Variants in HSPBAP1 observed in about 807,000 individuals in gnomAD.
HSPBAP1 encodes HSPB1 associated protein 1, also known as HSPB1-associated protein 1.
A neutral mutation model predicts 45.2 loss-of-function variants in HSPBAP1; 27 were observed. That is an observed-to-expected ratio of 0.60 (90% CI 0.44 to 0.82). HSPBAP1 has a LOEUF of 0.82. Ranked by LOEUF, HSPBAP1 falls within the 40% of genes least tolerant of loss-of-function variation. The pLI is 0.00. For missense variants in HSPBAP1, 510 were observed against 590.9 expected (o/e 0.86, Z 1.42); for synonymous variants, 204 against 202.7 (o/e 1.01, Z -0.06).
At chr3:122,778,045 C>G in intron 1 of HSPBAP1, 139 bp from the exon 2 acceptor site, 2 of 634,972 alleles carry the variant, frequency 3.1e-6, no homozygotes, top group South Asian at 4.1e-5. Context: ...TCATTTACTG[C>G]TGTTTATATA....
At chr3:122,759,768 G>A (rs577324699) in intron 3 of HSPBAP1, among the ~76,000 whole-genome samples, 7 of 152,254 alleles carry the variant, frequency 4.6e-5, no homozygotes, top group African/African-American at 7.2e-5. Context: ...TGAATGCAGC[G>A]GAAATGGCAT....
chr3:122,741,622 C>T lies in HSPBAP1; in HGVS notation c.826-509G>A, dbSNP rs184845890. ...CATTAAAATCAACAACTTCTGTTTACGAAAAAACACCACAAAGGAAAAAAA... is the reference window on the plus strand; with the variant it reads ...CATTAAAATCAACAACTTCTGTTTATGAAAAAACACCACAAAGGAAAAAAA... On this transcript the variant is annotated intron_variant, in intron 6 of 7. Coordinates refer to ENST00000306103, the MANE Select transcript of HSPBAP1 (RefSeq NM_024610.6). 220 of 152,450 alleles carry T rather than the reference C, an allele frequency of 1.4e-3. 1 individual carries two copies. Among genetic ancestry groups the T allele is most frequent in the Admixed American group, 2.7e-3 (42 of 15,392 alleles). The allele number at this position is 152,450 out of a possible 1,614,324, so 9.4% of individuals were successfully genotyped here.
intron 3 of HSPBAP1, among the ~76,000 whole-genome samples, chr3:122,762,414 A>T (rs912576412): frequency 2.6e-5 from 4 of 152,112 alleles, no homozygotes; most frequent in Non-Finnish European, 5.9e-5. Context: ...ACCTGTATCC[A>T]TGGAATTGTA....
At chr3:122,754,870 T>C (rs1205617659) in intron 5 of HSPBAP1, 2 of 991,888 alleles carry the variant, frequency 2.0e-6, no homozygotes, top group Non-Finnish European at 2.4e-6. Flanking sequence ...CCTGTGTTTA[T>C]GTGTCTGGGT....
At chr3:122,774,826 A>AT (rs890833404) in intron 2 of HSPBAP1, among the ~76,000 whole-genome samples, 11 of 152,200 alleles carry the variant, frequency 7.2e-5, no homozygotes, top group Non-Finnish European at 1.0e-4. Flanking sequence ...GGCAATCAGA[A>AT]TGATTCAGAA....
At chr3:122,743,949 G>A (rs1310204185) in intron 6 of HSPBAP1, among the ~76,000 whole-genome samples, 11 of 152,094 alleles carry the variant, frequency 7.2e-5, no homozygotes, top group African/African-American at 9.6e-5. Flanking sequence ...AGAGTTTGAC[G>A]CTGCAGTGAG....
intron 2 of HSPBAP1, 113 bp from the exon 3 acceptor site, chr3:122,768,995 T>A (rs1934886093): frequency 1.3e-6 from 1 of 766,544 alleles, no homozygotes; most frequent in Non-Finnish European, 2.0e-6. Flanking sequence ...GAAGACTAAT[T>A]AAAAATTCGT....
rs574138881 is a variant in HSPBAP1, at chr3:122,755,900, C to T, written c.570-469G>A. Among the ~76,000 whole-genome samples, 150 of 152,222 alleles carry T rather than the reference C, an allele frequency of 9.9e-4. 2 individuals carry two copies. Among genetic ancestry groups the T allele is most frequent in the African/African-American group, 3.4e-3 (142 of 41,532 alleles). On this transcript the variant is annotated intron_variant, in intron 4 of 7. Coordinates refer to ENST00000306103, the MANE Select transcript of HSPBAP1 (RefSeq NM_024610.6). ...CTTCTCCCTGTTTGGGTTATAAATT[C>T]CTTAAGTTAAACATTTGTTAAGTTG...
chr3:122,746,043 C>T lies in HSPBAP1; in HGVS notation c.826-4930G>A, dbSNP rs117921752. Among the ~76,000 whole-genome samples, 26 of 152,248 alleles carry T rather than the reference C, an allele frequency of 1.7e-4. No individual in the cohort carries two copies. In the East Asian group the frequency reaches 4.4e-3, roughly 26 times the overall value. ...GATTACAATCGGGTTTGGTAATACT[C>T]GGGGTTTCAGTAATCCACTGGGGAT... On this transcript the variant is annotated intron_variant, in intron 6 of 7. Transcript: ENST00000306103.
At chr3:122,754,716 T>C (rs1008255009) in intron 5 of HSPBAP1, 1 of 985,494 alleles carries the variant, frequency 1.0e-6, no homozygotes, top group Admixed American at 6.1e-5. Context: ...AAAGGAAATT[T>C]TCCTCACTGG....
At chr3:122,740,928 G>A in intron 7 of HSPBAP1, 53 bp from the exon 8 acceptor site, 1 of 1,608,576 alleles carries the variant, frequency 6.2e-7, no homozygotes, top group Admixed American at 1.7e-5. Context: ...AGTTACACTG[G>A]AAAACATATG....
chr3:122,783,202 T>C (rs75831624), intron 1 of HSPBAP1, among the ~76,000 whole-genome samples: 4,926 of 152,338 alleles, frequency 0.032, 110 homozygotes, highest in Middle Eastern at 0.078. Flanking sequence ...TAACATTATG[T>C]GACCAAGAAT....
intron 1 of HSPBAP1, among the ~76,000 whole-genome samples, chr3:122,789,321 TA>T (rs1448040999): frequency 6.6e-6 from 1 of 152,190 alleles, no homozygotes; most frequent in Non-Finnish European, 1.5e-5. Flanking sequence ...TGGCTATAAC[TA>T]AAAACTAAAA....
At chr3:122,752,272 A>G (rs758477392) in intron 6 of HSPBAP1, among the ~76,000 whole-genome samples, 2 of 152,212 alleles carry the variant, frequency 1.3e-5, no homozygotes, top group Non-Finnish European at 2.9e-5. Context: ...AACAAGGGAC[A>G]CATATCGGCA....
intron 2 of HSPBAP1, among the ~76,000 whole-genome samples, chr3:122,771,748 T>A (rs1935008277): frequency 6.6e-6 from 1 of 152,228 alleles, no homozygotes; most frequent in Admixed American, 6.5e-5. Context: ...CTATGTGATG[T>A]TCTCTATCTG....
chr3:122,778,269 T>A (rs1935260183), intron 1 of HSPBAP1, among the ~76,000 whole-genome samples: 1 of 150,868 alleles, frequency 6.6e-6, no homozygotes. Flanking sequence ...ACTTAGAAAT[T>A]ATGATTTAAC....
chr3:122,790,053 G>C (rs1935776187), intron 1 of HSPBAP1, among the ~76,000 whole-genome samples: 1 of 152,108 alleles, frequency 6.6e-6, no homozygotes, highest in Non-Finnish European at 1.5e-5. Flanking sequence ...CGTAGAGACA[G>C]GGTTTCACTA....
chr3:122,765,525 G>A (rs750285166), intron 3 of HSPBAP1, among the ~76,000 whole-genome samples: 1 of 148,998 alleles, frequency 6.7e-6, no homozygotes, highest in Non-Finnish European at 1.5e-5. Flanking sequence ...AGGTTGCAGT[G>A]AGCTGAGATC....
intron 6 of HSPBAP1, among the ~76,000 whole-genome samples, chr3:122,750,714 T>C (rs981256464): frequency 6.6e-6 from 1 of 152,182 alleles, no homozygotes; most frequent in Non-Finnish European, 1.5e-5. Context: ...GACTTCCAAG[T>C]GTGGGGCACT....
Sources: allele counts gnomAD v4.1 joint callset (sites outside exome capture counted in the v4.1 genomes callset), GRCh38; gene constraint gnomAD v4.1.1; transcripts MANE v1.5; gene names NCBI Gene and HGNC (gene_info 2026-07-23, HGNC 2026-07-21).